The following LRRC7 variants were observed in gnomAD, a reference collection of about 807,000 sequenced individuals.
The protein encoded by LRRC7 is leucine-rich repeat-containing protein 7.
Under a neutral mutation model 175.7 loss-of-function variants are expected in LRRC7, and 23 were observed. The observed-to-expected ratio is 0.13, with a 90% CI of 0.09 to 0.19. The LOEUF (loss-of-function observed/expected upper bound fraction) is 0.19, where lower values mean the gene tolerates loss of function less well. Among genes scored for constraint, LRRC7 ranks in the 10% least tolerant of loss-of-function variants. LRRC7 has a pLI of 1.00. For synonymous variants in LRRC7, 685 were observed against 680.9 expected (o/e 1.01, Z -0.09); for missense variants, 1,354 against 1,904.7 (o/e 0.71, Z 5.38).
At chr1:69,972,842 G>C (rs1652385974) in intron 8 of LRRC7, among the ~76,000 whole-genome samples, 1 of 151,120 alleles carries the variant, frequency 6.6e-6, no homozygotes, top group Non-Finnish European at 1.5e-5. Flanking sequence ...AGCACAGTTT[G>C]CAATTGCAAA....
At chr1:69,906,563 T>C (rs1297219823) in intron 7 of LRRC7, among the ~76,000 whole-genome samples, 6 of 152,188 alleles carry the variant, frequency 3.9e-5, no homozygotes, top group Non-Finnish European at 5.9e-5. Context: ...AAAGATCAGA[T>C]GGTTGTAGAT....
intron 3 of LRRC7, among the ~76,000 whole-genome samples, chr1:69,775,155 G>T (rs765097272): frequency 1.3e-5 from 2 of 152,074 alleles, no homozygotes; most frequent in Non-Finnish European, 1.5e-5. Context: ...TCTTATAAAA[G>T]CCACACTAAT....
intron 1 of LRRC7, among the ~76,000 whole-genome samples, chr1:69,612,931 C>A (rs1403673445): frequency 6.6e-6 from 1 of 152,080 alleles, no homozygotes; most frequent in Non-Finnish European, 1.5e-5. Flanking sequence ...TCTACTCCCC[C>A]ATTACAAGCT....
chr1:69,623,778 G>C (rs1030425580), intron 1 of LRRC7, among the ~76,000 whole-genome samples: 1 of 152,088 alleles, frequency 6.6e-6, no homozygotes, highest in Non-Finnish European at 1.5e-5. Context: ...TTGAACTCCT[G>C]ACCTCAGGTG....
chr1:69,781,731 GA>G (rs531599230), intron 3 of LRRC7, among the ~76,000 whole-genome samples: 1 of 29,084 alleles, frequency 3.4e-5, no homozygotes, highest in Non-Finnish European at 5.9e-5. Context: ...AAGAAAGAAA[GA>G]AAGAGAGAGA....
chr1:70,064,444 G>A (rs1232582987), intron 23 of LRRC7, among the ~76,000 whole-genome samples: 1 of 151,708 alleles, frequency 6.6e-6, no homozygotes. Flanking sequence ...TACAGGATTG[G>A]AATCCAGTGT....
chr1:69,980,259 C>A (rs1653282508), intron 8 of LRRC7, 120 bp from the exon 9 acceptor site: 5 of 856,692 alleles, frequency 5.8e-6, no homozygotes, highest in Non-Finnish European at 7.6e-6. Context: ...TTCTTAGATG[C>A]TTAACACTAG....
chr1:69,929,983 C>T (rs899915007), intron 7 of LRRC7, among the ~76,000 whole-genome samples: 5 of 152,082 alleles, frequency 3.3e-5, no homozygotes, highest in African/African-American at 7.2e-5. Flanking sequence ...CATGCTTTTT[C>T]ATTTCCTTTC....
At chr1:69,647,917 C>G (rs1570152467) in intron 1 of LRRC7, among the ~76,000 whole-genome samples, 1 of 152,184 alleles carries the variant, frequency 6.6e-6, no homozygotes, top group East Asian at 1.9e-4. Context: ...CATTCCAGAT[C>G]AACACATGTA....
At chr1:69,671,145 A>C (rs1452097320) in intron 1 of LRRC7, among the ~76,000 whole-genome samples, 1 of 152,136 alleles carries the variant, frequency 6.6e-6, no homozygotes, top group African/African-American at 2.4e-5. Context: ...AGCAAGTCTG[A>C]GTCTCACCTG....
chr1:69,642,806 T>TGATA (rs1212232470), intron 1 of LRRC7, among the ~76,000 whole-genome samples: 5 of 109,910 alleles, frequency 4.5e-5, no homozygotes, highest in Non-Finnish European at 7.7e-5. Flanking sequence ...TAATGACAGA[T>TGATA]GATACATAGA....
At chr1:69,577,353 T>A (rs936103349) in intron 1 of LRRC7, among the ~76,000 whole-genome samples, 8 of 152,218 alleles carry the variant, frequency 5.3e-5, no homozygotes, top group Admixed American at 2.0e-4. Context: ...GATGGTAGTT[T>A]CTTTTGCTGT....
intron 23 of LRRC7, among the ~76,000 whole-genome samples, chr1:70,056,761 G>A (rs543312113): frequency 6.6e-6 from 1 of 152,270 alleles, no homozygotes; most frequent in African/African-American, 2.4e-5. Flanking sequence ...GGCTTTGTCT[G>A]ATCAGTTGGC....
At chr1:69,654,679 A>G (rs1656352930) in intron 1 of LRRC7, among the ~76,000 whole-genome samples, 1 of 152,066 alleles carries the variant, frequency 6.6e-6, no homozygotes, top group East Asian at 1.9e-4. Context: ...TCTTTTTTCT[A>G]TAAGTTCATT....
rs148189488 is a variant in LRRC7 at position 69,738,798 on chromosome 1, A to G, written c.101-21393A>G. ...TTTAATAAACTATCAGGAATTACAC[A>G]TTTGAATCTTGGCAGACGGAGTAGA... On this transcript the variant is annotated intron_variant, in intron 2 of 26. Transcript: ENST00000651989. Among the ~76,000 whole-genome samples, 1,425 of 152,194 alleles carry G rather than the reference A, an allele frequency of 9.4e-3. 22 individuals carry two copies. The highest frequency in any genetic ancestry group is 0.032 in the African/African-American group (1,343 of 41,548).
At chr1:69,622,338 T>C (rs374745498) in intron 1 of LRRC7, among the ~76,000 whole-genome samples, 1 of 152,226 alleles carries the variant, frequency 6.6e-6, no homozygotes. Flanking sequence ...ACAAATGACT[T>C]TGTCTACTTA....
At chr1:70,021,161 T>C in intron 16 of LRRC7, 32 bp downstream of exon 16, 1 of 1,593,436 alleles carries the variant, frequency 6.3e-7, no homozygotes, top group Non-Finnish European at 8.6e-7. Flanking sequence ...TCCTCTTTCT[T>C]CTCCTTATCT....
chr1:70,021,422 C>G (rs774220547), intron 16 of LRRC7: 1 of 231,888 alleles, frequency 4.3e-6, no homozygotes, highest in Non-Finnish European at 8.6e-6. Context: ...TAGACTTCAT[C>G]TAAGAACCTT....
chr1:70,117,285 T>C (rs1317748352), intron 26 of LRRC7, among the ~76,000 whole-genome samples: 2 of 152,222 alleles, frequency 1.3e-5, no homozygotes, highest in Non-Finnish European at 2.9e-5. Context: ...CAACAGAATT[T>C]CTAGGAAAAT....
Sources: gnomAD v4.1 joint callset for allele counts (sites outside exome capture counted in the v4.1 genomes callset) on GRCh38, gnomAD v4.1.1 for gene constraint, MANE v1.5 for transcripts, NCBI Gene and HGNC (gene_info 2026-07-23, HGNC 2026-07-21) for gene names.